VAV3: variants seen among roughly 807,000 people sequenced by gnomAD.
VAV3 encodes guanine nucleotide exchange factor VAV3.
A neutral mutation model predicts 131.2 loss-of-function variants in VAV3; 94 were observed. The ratio of observed to expected loss-of-function variants is 0.72; its 90% CI spans 0.61 to 0.85. VAV3 has a LOEUF of 0.85. Ranked by LOEUF, VAV3 falls within the 40% of genes least tolerant of loss-of-function variation. The probability of loss-of-function intolerance (pLI) is 0.00; values close to 1 mark genes in which losing one functional copy is unlikely to be tolerated. For missense variants in VAV3, 939 were observed against 1,002.7 expected (o/e 0.94, Z 0.86); for synonymous variants, 349 against 342.0 (o/e 1.02, Z -0.22).
At chr1:107,780,959 G>A (rs1477442076) in intron 2 of VAV3, among the ~76,000 whole-genome samples, 2 of 152,112 alleles carry the variant, frequency 1.3e-5, no homozygotes, top group Non-Finnish European at 2.9e-5. Flanking sequence ...TCTAAATTAA[G>A]GTAATCTAAT....
At chr1:107,659,181 T>C (rs571619698) in intron 19 of VAV3, among the ~76,000 whole-genome samples, 62 of 152,242 alleles carry the variant, frequency 4.1e-4, no homozygotes, top group Middle Eastern at 3.4e-3. Context: ...TAGCCAGTTT[T>C]CCCAGCACCA....
chr1:107,725,741 G>A (rs1482274388), intron 15 of VAV3, among the ~76,000 whole-genome samples: 1 of 152,056 alleles, frequency 6.6e-6, no homozygotes, highest in Non-Finnish European at 1.5e-5. Flanking sequence ...TCAAACTCCC[G>A]ACCTCAGGTG....
chr1:107,962,683 G>A (rs376516153), intron 1 of VAV3, among the ~76,000 whole-genome samples: 8 of 152,188 alleles, frequency 5.3e-5, no homozygotes, highest in East Asian at 1.9e-4. Context: ...TCAGGTACTA[G>A]CCTTCTAGGA....
chr1:107,819,485 C>A (rs77475507), intron 2 of VAV3, among the ~76,000 whole-genome samples: 14,393 of 144,732 alleles, frequency 0.099, 837 homozygotes, highest in East Asian at 0.26. Flanking sequence ...CCAGCCTGCA[C>A]AACATAACAA....
chr1:107,904,068 C>T (rs143386203), intron 1 of VAV3, among the ~76,000 whole-genome samples: 5 of 152,258 alleles, frequency 3.3e-5, no homozygotes, highest in Non-Finnish European at 4.4e-5. Context: ...TTCCACCTTA[C>T]GTGCTCCATC....
chr1:107,711,480 C>T, intron 15 of VAV3, among the ~76,000 whole-genome samples: 1 of 152,280 alleles, frequency 6.6e-6, no homozygotes, highest in Admixed American at 6.5e-5. Flanking sequence ...ATAACCTTAT[C>T]ACTTAGTACC....
At chr1:107,802,574 C>T (rs991617705) in intron 2 of VAV3, among the ~76,000 whole-genome samples, 18 of 151,932 alleles carry the variant, frequency 1.2e-4, no homozygotes, top group African/African-American at 2.7e-4. Context: ...TTTTATCAAA[C>T]GTTTTTTCAG....
intron 2 of VAV3, among the ~76,000 whole-genome samples, chr1:107,807,050 T>A (rs1008432491): frequency 1.3e-5 from 2 of 152,194 alleles, no homozygotes; most frequent in African/African-American, 2.4e-5. Context: ...TTTTTCCTCA[T>A]GTTTTCCATC....
intron 17 of VAV3, among the ~76,000 whole-genome samples, chr1:107,689,154 G>A (rs1456070474): frequency 6.6e-6 from 1 of 152,120 alleles, no homozygotes; most frequent in African/African-American, 2.4e-5. Flanking sequence ...AAACTGGTGG[G>A]CAGCATCTTT....
intron 12 of VAV3, among the ~76,000 whole-genome samples, chr1:107,751,415 A>G (rs539542677): frequency 2.0e-5 from 3 of 152,288 alleles, no homozygotes; most frequent in East Asian, 1.9e-4. Context: ...AAGGACATCA[A>G]TTGATTTTAA....
In VAV3 at chr1:107,605,885, A is replaced by G. The variant is rs547537829; in HGVS notation, c.2016-2722T>C. Among the ~76,000 whole-genome samples, 3 of 152,326 alleles carry G rather than the reference A, an allele frequency of 2.0e-5. No homozygotes were observed. The South Asian group carries it at 6.2e-4, about 32-fold the overall frequency. On this transcript the variant is annotated intron_variant, in intron 22 of 26. Transcript: ENST00000370056. ...ACTTCCGGTCCCAAGCATTTTGAATAAGGGATACTCAACCTATAGCTGCAT... is the reference window on the plus strand; with the variant it reads ...ACTTCCGGTCCCAAGCATTTTGAATGAGGGATACTCAACCTATAGCTGCAT...
intron 1 of VAV3, among the ~76,000 whole-genome samples, chr1:107,932,820 G>A (rs1322411970): frequency 1.3e-5 from 2 of 152,200 alleles, no homozygotes; most frequent in Non-Finnish European, 2.9e-5. Flanking sequence ...AAGAATCCAG[G>A]TGGCCTCTGG....
intron 19 of VAV3, among the ~76,000 whole-genome samples, chr1:107,658,707 G>A (rs571621563): frequency 4.3e-4 from 66 of 152,266 alleles, no homozygotes; most frequent in African/African-American, 1.6e-3. Flanking sequence ...CAGTGATGAT[G>A]AGCATTTTTT....
At chr1:107,867,026 A>G (rs1285332300) in intron 2 of VAV3, among the ~76,000 whole-genome samples, 1 of 152,132 alleles carries the variant, frequency 6.6e-6, no homozygotes, top group East Asian at 1.9e-4. Context: ...ATGTGCAAAT[A>G]TGAGAAATTC....
At chr1:107,907,529 G>A (rs1300635454) in intron 1 of VAV3, among the ~76,000 whole-genome samples, 1 of 152,170 alleles carries the variant, frequency 6.6e-6, no homozygotes, top group Non-Finnish European at 1.5e-5. Context: ...AGGAACTTTA[G>A]GAGGTGATTA....
intron 1 of VAV3, among the ~76,000 whole-genome samples, chr1:107,908,871 AC>A (rs1672237714): frequency 9.3e-5 from 13 of 139,788 alleles, no homozygotes; most frequent in African/African-American, 3.5e-4. Context: ...ACACACACAC[AC>A]ACAATATAAA....
chr1:107,779,305 C>A, intron 3 of VAV3, 129 bp downstream of exon 3: 1 of 681,000 alleles, frequency 1.5e-6, no homozygotes, highest in Admixed American at 3.9e-5. Flanking sequence ...GGGATACTTA[C>A]ATACCAGGCA....
intron 15 of VAV3, among the ~76,000 whole-genome samples, chr1:107,717,035 T>C (rs11185169): frequency 0.085 from 12,922 of 152,286 alleles, 711 homozygotes; most frequent in Admixed American, 0.17. Flanking sequence ...TAGAGGTGTT[T>C]ATAGTATTCT....
At position 107,849,038 on chromosome 1, in the gene VAV3, G is replaced by A. The variant is rs186796190; in HGVS notation, c.321+25863C>T. Among the ~76,000 whole-genome samples the A allele has an allele frequency of 1.7e-3, 253 of 152,114 alleles. 1 individual carries two copies. The highest frequency in any genetic ancestry group is 4.0e-3 in the Admixed American group (61 of 15,282). On this transcript the variant is annotated intron_variant, in intron 2 of 26. Transcript: ENST00000370056. ...AAGGGATGTGAAGGACCTCTTCAAG[G>A]AGAACTACAAACCTCTGCTCAACGA...
Sources: gnomAD v4.1 joint callset for allele counts (sites outside exome capture counted in the v4.1 genomes callset) on GRCh38, gnomAD v4.1.1 for gene constraint, MANE v1.5 for transcripts, NCBI Gene and HGNC (gene_info 2026-07-23, HGNC 2026-07-21) for gene names.